The following PBLD variants were observed in gnomAD, a reference collection of about 807,000 sequenced individuals.
PBLD encodes phenazine biosynthesis-like domain-containing protein.
In PBLD, 26 loss-of-function variants were observed where a neutral mutation model predicts 31.3. That is an observed-to-expected ratio of 0.83 (90% CI 0.61 to 1.15). PBLD has a LOEUF of 1.15. PBLD is among the 50% of genes most tolerant of loss of function. The probability of loss-of-function intolerance (pLI) is 0.00; values close to 1 mark genes in which losing one functional copy is unlikely to be tolerated. For synonymous variants in PBLD, 114 were observed against 129.0 expected (o/e 0.88, Z 0.79); for missense variants, 307 against 351.7 (o/e 0.87, Z 1.02).
intron 2 of PBLD, among the ~76,000 whole-genome samples, chr10:68,297,671 A>C (rs11812827): frequency 0.036 from 5,506 of 152,354 alleles, 144 homozygotes; most frequent in Middle Eastern, 0.058. Flanking sequence ...TGTTGAAAAA[A>C]TAAGTACATT....
chr10:68,285,498 C>A, intron 8 of PBLD, 88 bp from the exon 9 acceptor site: 1 of 1,511,630 alleles, frequency 6.6e-7, no homozygotes, highest in Non-Finnish European at 8.8e-7. Context: ...AATCAATTAT[C>A]CAGTTTGAAT....
At chr10:68,310,823 A>T (rs1313233171) in intron 1 of PBLD, among the ~76,000 whole-genome samples, 1 of 151,654 alleles carries the variant, frequency 6.6e-6, no homozygotes, top group Non-Finnish European at 1.5e-5. Flanking sequence ...GCATAAATAT[A>T]GACACTCCTC....
At chr10:68,284,940 C>T (rs2044268387) in intron 9 of PBLD, 2 of 888,482 alleles carry the variant, frequency 2.3e-6, no homozygotes, top group Admixed American at 5.5e-5. Flanking sequence ...TTTTTCTCTG[C>T]CTCTAAGCAA....
chr10:68,328,646 G>A (rs920479257), intron 1 of PBLD, among the ~76,000 whole-genome samples: 4 of 152,200 alleles, frequency 2.6e-5, no homozygotes, highest in African/African-American at 9.6e-5. Flanking sequence ...CCCAAAAGCA[G>A]CTGGCAGTCC....
chr10:68,292,368 G>A, intron 4 of PBLD, 130 bp from the exon 5 acceptor site: 1 of 727,156 alleles, frequency 1.4e-6, no homozygotes, highest in South Asian at 1.8e-5. Context: ...GCGAGGTTTG[G>A]GTTGCTGAGG....
intron 2 of PBLD, among the ~76,000 whole-genome samples, chr10:68,303,515 C>T (rs1182430243): frequency 1.3e-5 from 2 of 151,532 alleles, no homozygotes; most frequent in African/African-American, 4.8e-5. Flanking sequence ...AAAATGTCAG[C>T]CGGGCGTGGT....
chr10:68,321,371 G>A (rs912220135), intron 1 of PBLD, among the ~76,000 whole-genome samples: 13 of 152,038 alleles, frequency 8.6e-5, no homozygotes, highest in African/African-American at 2.9e-4. Context: ...CCCAACAGAC[G>A]CCTACAGAAC....
At chr10:68,298,468 A>AT (rs919566769) in intron 2 of PBLD, among the ~76,000 whole-genome samples, 1 of 151,988 alleles carries the variant, frequency 6.6e-6, no homozygotes, top group Non-Finnish European at 1.5e-5. Context: ...CTCTAAAAAA[A>AT]TTTTTTTTTA....
intron 1 of PBLD, among the ~76,000 whole-genome samples, chr10:68,316,661 T>C (rs1288166664): frequency 1.3e-5 from 2 of 152,148 alleles, no homozygotes; most frequent in East Asian, 3.8e-4. Flanking sequence ...CCAAGTATTA[T>C]AGAATTAACT....
At chr10:68,328,347 T>C (rs764961548) in intron 1 of PBLD, among the ~76,000 whole-genome samples, 6 of 152,192 alleles carry the variant, frequency 3.9e-5, no homozygotes, top group Non-Finnish European at 7.3e-5. Flanking sequence ...CAATTTTTCG[T>C]TAATGTGCCT....
At chr10:68,323,300 G>A (rs538864910) in intron 1 of PBLD, among the ~76,000 whole-genome samples, 5 of 151,358 alleles carry the variant, frequency 3.3e-5, no homozygotes, top group African/African-American at 1.2e-4. Context: ...GGTGGCTCAC[G>A]CCTGTAATCC....
At position 68,312,702 on chromosome 10, in the gene PBLD, C is replaced by T. The variant is rs7905769; in HGVS notation, c.-59-5799G>A. On this transcript the variant is annotated intron_variant, in intron 1 of 9. Coordinates refer to ENST00000358769, the MANE Select transcript of PBLD (RefSeq NM_022129.4). The stretch of plus-strand genomic sequence containing the variant: ...TCAGCTCACTGCAAGCTCCGCCTCC[C>T]GGGTTCACGCCATTCTCCTGCCTCA... 6.3e-3 allele frequency among the ~76,000 whole-genome samples: 925 copies of T among 147,028 alleles called. 4 individuals carry two copies. Among genetic ancestry groups the T allele is most frequent in the Non-Finnish European group, 0.011 (711 of 67,322 alleles).
At chr10:68,286,849 C>T (rs1446884209) in intron 8 of PBLD, among the ~76,000 whole-genome samples, 15 of 84,366 alleles carry the variant, frequency 1.8e-4, no homozygotes, top group Non-Finnish European at 2.9e-5. Context: ...TTTGGGAAAA[C>T]CTATGAAGTG....
chr10:68,306,891 T>G lies in PBLD; in HGVS notation c.-47A>C. The G allele has an allele frequency of 1.4e-6, 2 of 1,441,266 alleles. No individual in the cohort carries two copies. The highest frequency in any genetic ancestry group is 1.9e-6 in the Non-Finnish European group (2 of 1,029,896). 89.3% of individuals were successfully genotyped at this position (1,441,266 alleles called of 1,614,324 possible). A position where few individuals can be genotyped will look rare whatever the true frequency, so the allele number is the denominator to read the frequency against. On this transcript the variant is annotated 5_prime_UTR_variant, in exon 2 of 10. Coordinates refer to ENST00000358769, the MANE Select transcript of PBLD (RefSeq NM_022129.4). ...CAAGTTCTCAAAATTGCTGGTAGCC[T>G]GCTTTACGTCTTCTTCTTGGAAAAG...
chr10:68,325,102 G>A (rs1053172812), intron 1 of PBLD, among the ~76,000 whole-genome samples: 1 of 151,618 alleles, frequency 6.6e-6, no homozygotes, highest in Non-Finnish European at 1.5e-5. Flanking sequence ...AAAGTAGCCA[G>A]GTGCGGTGGC....
chr10:68,318,375 TAA>T (rs34722771), intron 1 of PBLD, among the ~76,000 whole-genome samples: 6 of 51,280 alleles, frequency 1.2e-4, no homozygotes, highest in Admixed American at 3.2e-4. Flanking sequence ...CTGCCTCTAT[TAA>T]AAAAAAAAAA....
intron 1 of PBLD, among the ~76,000 whole-genome samples, chr10:68,311,269 C>T (rs936983979): frequency 6.6e-6 from 1 of 151,972 alleles, no homozygotes; most frequent in East Asian, 1.9e-4. Context: ...CATGGTGAAA[C>T]CCCATCTCTA....
chr10:68,310,013 G>A (rs2044643297), intron 1 of PBLD, among the ~76,000 whole-genome samples: 1 of 148,726 alleles, frequency 6.7e-6, no homozygotes, highest in Non-Finnish European at 1.5e-5. Flanking sequence ...GCAGGCACCT[G>A]TAATCCCACC....
chr10:68,296,832 G>T, intron 3 of PBLD, 54 bp downstream of exon 3: 1 of 1,441,010 alleles, frequency 6.9e-7, no homozygotes, highest in South Asian at 1.2e-5. Flanking sequence ...TCATGCCACT[G>T]CACTCCAGCC....
Sources: gnomAD v4.1 joint callset for allele counts (sites outside exome capture counted in the v4.1 genomes callset) on GRCh38, gnomAD v4.1.1 for gene constraint, MANE v1.5 for transcripts, NCBI Gene and HGNC (gene_info 2026-07-23, HGNC 2026-07-21) for gene names.